The following UNC5D variants were observed in gnomAD, a reference collection of about 807,000 sequenced individuals.
UNC5D encodes the protein netrin receptor UNC5D.
Under a neutral mutation model 105.4 loss-of-function variants are expected in UNC5D, and 39 were observed. The observed-to-expected ratio is 0.37, with a 90% CI of 0.29 to 0.48. The LOEUF is 0.48. Ranked by LOEUF, UNC5D falls within the 20% of genes least tolerant of loss-of-function variation. UNC5D has a pLI of 0.98. For synonymous variants in UNC5D, 452 were observed against 450.4 expected (o/e 1.00, Z -0.04); for missense variants, 991 against 1,202.4 (o/e 0.82, Z 2.60).
chr8:35,271,813 G>A (rs1805424047), intron 1 of UNC5D, among the ~76,000 whole-genome samples: 1 of 150,876 alleles, frequency 6.6e-6, no homozygotes, highest in African/African-American at 2.4e-5. Flanking sequence ...TAATTTGCTG[G>A]CCGTTGCTAT....
At chr8:35,670,976 G>A (rs1586385016) in intron 4 of UNC5D, among the ~76,000 whole-genome samples, 1 of 94,140 alleles carries the variant, frequency 1.1e-5, no homozygotes, top group Non-Finnish European at 2.8e-5. Context: ...CTCACCAAGT[G>A]GTTCAAGATG....
chr8:35,397,567 A>C (rs928645795), intron 1 of UNC5D, among the ~76,000 whole-genome samples: 2 of 152,216 alleles, frequency 1.3e-5, no homozygotes, highest in African/African-American at 4.8e-5. Context: ...AGTTGCACTT[A>C]ACATCATGCA....
chr8:35,403,488 A>G (rs1475666450), intron 1 of UNC5D, among the ~76,000 whole-genome samples: 2 of 152,242 alleles, frequency 1.3e-5, no homozygotes, highest in Admixed American at 6.5e-5. Flanking sequence ...AAGTGCAAAT[A>G]TACATTGTGT....
chr8:35,503,933 C>T (rs900838606), intron 1 of UNC5D, among the ~76,000 whole-genome samples: 2 of 152,182 alleles, frequency 1.3e-5, no homozygotes, highest in Admixed American at 1.3e-4. Context: ...TTAAAATATA[C>T]GACTTAAACT....
In UNC5D at chr8:35,463,620, A is replaced by G. The variant is rs1032927096; in HGVS notation, c.104-85672A>G. Among the ~76,000 whole-genome samples, 25 of 130,160 alleles carry G rather than the reference A, an allele frequency of 1.9e-4. 1 individual carries two copies. The East Asian group carries it at 4.4e-3, about 23-fold the overall frequency. The allele number at this position is 130,160 out of a possible 152,430, so 85.4% of individuals were successfully genotyped here. A position where few individuals can be genotyped will look rare whatever the true frequency, so the allele number is the denominator to read the frequency against. On this transcript the variant is annotated intron_variant, in intron 1 of 16. Coordinates refer to ENST00000404895, the MANE Select transcript of UNC5D (RefSeq NM_080872.4). ...ACAAAGCAAGACCCTATCTCTATCAAAAAAAAAAAAAAAAAGCTAGCCAGG... is the reference window on the plus strand; with the variant it reads ...ACAAAGCAAGACCCTATCTCTATCAGAAAAAAAAAAAAAAAGCTAGCCAGG...
chr8:35,786,671 C>CA (rs987328020), intron 16 of UNC5D, among the ~76,000 whole-genome samples: 2 of 152,030 alleles, frequency 1.3e-5, no homozygotes, highest in African/African-American at 4.8e-5. Flanking sequence ...ATAAAGTTCT[C>CA]AGAGTGCCTG....
At chr8:35,783,376 A>T (rs2131783692) in intron 16 of UNC5D, among the ~76,000 whole-genome samples, 1 of 152,254 alleles carries the variant, frequency 6.6e-6, no homozygotes, top group East Asian at 1.9e-4. Flanking sequence ...TTTATATGAA[A>T]TTTATTCTCA....
At chr8:35,305,653 TTTTC>T (rs1407034906) in intron 1 of UNC5D, among the ~76,000 whole-genome samples, 3 of 135,036 alleles carry the variant, frequency 2.2e-5, no homozygotes, top group Non-Finnish European at 3.2e-5. Context: ...TCTTTCTTTC[TTTTC>T]TTTCTCTTTT....
At chr8:35,498,485 T>C (rs149585806) in intron 1 of UNC5D, among the ~76,000 whole-genome samples, 1 of 152,048 alleles carries the variant, frequency 6.6e-6, no homozygotes, top group African/African-American at 2.4e-5. Context: ...AAGTTATATA[T>C]AGGAAAGAGA....
chr8:35,796,265 T>C lies in UNC5D; in HGVS notation c.*5702T>C, dbSNP rs1359452907. ...TTATCAATGTAAATTCTGAATGTTG[T>C]ACAGTAAACTTGGATGGACTTCTTA... On this transcript the variant is annotated 3_prime_UTR_variant, in exon 17 of 17. Coordinates refer to ENST00000404895, the MANE Select transcript of UNC5D (RefSeq NM_080872.4). 3 of 152,046 alleles carry C rather than the reference T, an allele frequency of 2.0e-5. No individual in the cohort carries two copies. Among genetic ancestry groups the C allele is most frequent in the Non-Finnish European group, 4.4e-5 (3 of 68,016 alleles). 9.4% of individuals were successfully genotyped at this position (152,046 alleles called of 1,614,324 possible).
At chr8:35,719,609 A>G (rs1438284041) in intron 8 of UNC5D, among the ~76,000 whole-genome samples, 2 of 152,206 alleles carry the variant, frequency 1.3e-5, no homozygotes, top group Non-Finnish European at 2.9e-5. Context: ...ACCTTTAGAC[A>G]AGAAATGACT....
At chr8:35,545,743 C>T (rs1173780676) in intron 1 of UNC5D, among the ~76,000 whole-genome samples, 1 of 152,030 alleles carries the variant, frequency 6.6e-6, no homozygotes, top group African/African-American at 2.4e-5. Flanking sequence ...ACCTACAATC[C>T]CTCACCTTCC....
intron 1 of UNC5D, among the ~76,000 whole-genome samples, chr8:35,322,574 G>A (rs543814525): frequency 3.9e-5 from 6 of 152,252 alleles, no homozygotes; most frequent in Admixed American, 1.3e-4. Context: ...ATGAAGCAGT[G>A]TGCTTTCAGC....
At position 35,346,076 on chromosome 8, in the gene UNC5D, G is replaced by A. The variant is rs548061193; in HGVS notation, c.103+110189G>A. ...GAGTTCAAAAATGCTTTGCTTTACC[G>A]TTGATGTGTTTCCAGTCTGTATATT... On this transcript the variant is annotated intron_variant, in intron 1 of 16. Transcript: ENST00000404895. Among the ~76,000 whole-genome samples, 10 of 152,090 alleles carry A rather than the reference G, an allele frequency of 6.6e-5. No homozygotes were observed. The South Asian group carries it at 1.4e-3, about 22-fold the overall frequency.
intron 1 of UNC5D, among the ~76,000 whole-genome samples, chr8:35,311,307 G>T (rs1808862155): frequency 6.6e-6 from 1 of 152,138 alleles, no homozygotes; most frequent in Non-Finnish European, 1.5e-5. Flanking sequence ...AAAAAGTCTG[G>T]ACCATGGAAG....
At position 35,766,945 on chromosome 8, in the gene UNC5D, T is replaced by C. The variant is rs762887900; in HGVS notation, c.2357T>C (p.Leu786Pro). Residue 786 changes from leucine to proline, a missense_variant, in exon 15 of 17, where the codon CTG becomes CCG. Physicochemically the swap from Leu to Pro is moderately conservative, Grantham distance 98. This residue lies in a region of UNC5D where 944 missense variants were observed against 1,131.6 expected (regional missense o/e 0.83). Transcript: ENST00000404895. ...SRVWCSNRQP[L>P]HCAFSLERYT... is the part of the protein sequence containing the mutation. ...GTGTGGTGCAGTAACCGGCAGCCCC[T>C]GCACTGTGCCTTCTCCCTGGAGCGT... is the stretch of plus-strand genomic sequence containing the variant. 2 of 1,614,042 alleles carry C rather than the reference T, an allele frequency of 1.2e-6. No homozygotes were observed. Among genetic ancestry groups the C allele is most frequent in the Admixed American group, 1.7e-5 (1 of 60,004 alleles).
rs1563297714 is a variant in UNC5D at position 35,305,585 on chromosome 8, C to CTTTCTCTTTCTTTCTTTCTTTCTTTCA, written c.103+69703_103+69704insCTTTCTTTCTTTCTTTCTTTCATTTCT. Among the ~76,000 whole-genome samples, 3 of 95,226 alleles carry CTTTCTCTTTCTTTCTTTCTTTCTTTCA rather than the reference C, an allele frequency of 3.2e-5. 1 individual carries two copies. The highest frequency in any genetic ancestry group is 1.5e-4 in the African/African-American group (3 of 20,328). 62.5% of individuals were successfully genotyped at this position (95,226 alleles called of 152,430 possible). ...TTCCTTTCTTTCTTTCTTTTTCTTT[C>CTTTCTCTTTCTTTCTTTCTTTCTTTCA]TTTCTTTCTTTCTTTCTTTCTTTCT... is the stretch of plus-strand genomic sequence containing the variant. On this transcript the variant is annotated intron_variant, in intron 1 of 16. Transcript: ENST00000404895.
intron 16 of UNC5D, among the ~76,000 whole-genome samples, chr8:35,789,576 A>C (rs1802933886): frequency 6.6e-6 from 1 of 152,074 alleles, no homozygotes; most frequent in African/African-American, 2.4e-5. Context: ...CCAGTTTCTG[A>C]TGCATTGCGT....
Position 35,796,137 on chromosome 8 carries a change from T to C in UNC5D, c.*5574T>C, listed in dbSNP as rs1803243257. 6.6e-6 allele frequency: 1 copy of C among 152,168 alleles called. No individual in the cohort carries two copies. Among genetic ancestry groups the C allele is most frequent in the Non-Finnish European group, 1.5e-5 (1 of 68,044 alleles). 9.4% of individuals were successfully genotyped at this position (152,168 alleles called of 1,614,324 possible). A position where few individuals can be genotyped will look rare whatever the true frequency, so the allele number is the denominator to read the frequency against. ...AAAATAAAATAAAATAAAGCAGGGC[T>C]GAACACTTAATTTGACATGAAGCTG... is the stretch of plus-strand genomic sequence containing the variant. On this transcript the variant is annotated 3_prime_UTR_variant, in exon 17 of 17. Coordinates refer to ENST00000404895, the MANE Select transcript of UNC5D (RefSeq NM_080872.4).
Sources: gnomAD v4.1 joint callset for allele counts (sites outside exome capture counted in the v4.1 genomes callset) on GRCh38, gnomAD v4.1.1 for gene constraint, gnomAD v4.1.1 regional missense constraint, MANE v1.5 for transcripts, NCBI Gene and HGNC (gene_info 2026-07-23, HGNC 2026-07-21) for gene names.